ABR: variants seen among roughly 807,000 people sequenced by gnomAD.
ABR encodes ABR activator of RhoGEF and GTPase.
A neutral mutation model predicts 107.2 loss-of-function variants in ABR; 35 were observed. The observed-to-expected ratio is 0.33, with a 90% confidence interval of 0.25 to 0.43. ABR has a LOEUF of 0.43. Ranked by LOEUF, ABR falls within the 20% of genes least tolerant of loss-of-function variation. The pLI is 1.00. For missense variants in ABR, 815 were observed against 1,115.2 expected (o/e 0.73, Z 3.83); for synonymous variants, 498 against 462.0 (o/e 1.08, Z -1.00).
intron 1 of ABR, among the ~76,000 whole-genome samples, chr17:1,192,504 C>T (rs565198191): frequency 2.8e-4 from 42 of 152,038 alleles, no homozygotes; most frequent in Non-Finnish European, 5.7e-4. Context: ...GAGCTGGGCA[C>T]GGGGGCTCAC....
upstream of ABR, among the ~76,000 whole-genome samples, chr17:1,180,270 G>A (rs891385789): frequency 2.6e-5 from 4 of 152,042 alleles, no homozygotes; most frequent in African/African-American, 9.7e-5. Flanking sequence ...ACCAGGTGCC[G>A]TGGGGGGCCC....
chr17:1,134,915 A>G (rs1356026761), intron 1 of ABR, among the ~76,000 whole-genome samples: 1 of 152,198 alleles, frequency 6.6e-6, no homozygotes, highest in African/African-American at 2.4e-5. Context: ...GAAACGGGGG[A>G]CGACACAGGA....
chr17:1,073,239 GC>G (rs1249630718), intron 7 of ABR, among the ~76,000 whole-genome samples: 1 of 149,772 alleles, frequency 6.7e-6, no homozygotes, highest in East Asian at 2.0e-4. Context: ...GGCCCTGGCT[GC>G]CCCCTCTTCT....
chr17:1,025,153 G>A (rs766249210), intron 16 of ABR, among the ~76,000 whole-genome samples: 116 of 144,310 alleles, frequency 8.0e-4, no homozygotes, highest in Non-Finnish European at 1.5e-3. Context: ...AAACTTGGCC[G>A]GGCGTGGTGG....
chr17:1,059,164 G>A (rs2033659849), intron 10 of ABR, among the ~76,000 whole-genome samples: 1 of 152,072 alleles, frequency 6.6e-6, no homozygotes. Context: ...CACTCGCCAA[G>A]CCAGCATCTC....
At position 1,050,443 on chromosome 17, in the gene ABR, G is replaced by T; in HGVS notation, c.1659+94C>A. On this transcript the variant is annotated intron_variant, in intron 15 of 22. Coordinates refer to ENST00000302538, the MANE Select transcript of ABR (RefSeq NM_021962.5). The surrounding 1 kb of genome is among the most constrained non-coding windows in gnomAD (Gnocchi z 4.6). Reference sequence around the variant, plus strand: ...GAGCAGAAAGGGGGGTGCAGACATAGCTGGTCCAACCAATGGGCTGGCCGT... The same window carrying T: ...GAGCAGAAAGGGGGGTGCAGACATATCTGGTCCAACCAATGGGCTGGCCGT... 8.1e-7 allele frequency: 1 copy of T among 1,228,836 alleles called. No individual in the cohort carries two copies. The highest frequency in any genetic ancestry group is 1.2e-6 in the Non-Finnish European group (1 of 833,792). The allele number at this position is 1,228,836 out of a possible 1,614,324, so 76.1% of individuals were successfully genotyped here.
intron 16 of ABR, among the ~76,000 whole-genome samples, chr17:1,048,261 C>T (rs968375531): frequency 4.6e-5 from 7 of 152,218 alleles, no homozygotes; most frequent in East Asian, 1.9e-4. Flanking sequence ...CCCACAGCAT[C>T]GGAAAGAGAC....
intron 5 of ABR, among the ~76,000 whole-genome samples, chr17:1,080,436 C>A (rs908943153): frequency 1.3e-5 from 2 of 152,158 alleles, no homozygotes; most frequent in Admixed American, 1.3e-4. Flanking sequence ...GACAGTGCAG[C>A]CTGCAACTGG....
chr17:1,215,963 A>G (rs559268892), intron 1 of ABR, among the ~76,000 whole-genome samples: 31 of 136,650 alleles, frequency 2.3e-4, no homozygotes, highest in Non-Finnish European at 4.5e-4. Flanking sequence ...TGTTAAACAG[A>G]TGCTTGAAGG....
intron 16 of ABR, among the ~76,000 whole-genome samples, chr17:1,036,440 A>C (rs564356294): frequency 1.4e-5 from 2 of 147,372 alleles, no homozygotes; most frequent in African/African-American, 2.7e-5. Flanking sequence ...TCAGAGGACC[A>C]GAGCTGGGGG....
chr17:1,031,537 C>T, intron 16 of ABR: 1 of 431,296 alleles, frequency 2.3e-6, no homozygotes, highest in Middle Eastern at 7.6e-4. Flanking sequence ...CCCCGCAGCC[C>T]CCCGAGCCCC....
At chr17:1,034,390 C>T (rs914299673) in intron 16 of ABR, among the ~76,000 whole-genome samples, 1 of 152,170 alleles carries the variant, frequency 6.6e-6, no homozygotes, top group South Asian at 2.1e-4. Context: ...AGATGTCCAT[C>T]AACAGGAGGC....
At chr17:1,057,204 G>A (rs548512030) in intron 12 of ABR, 102 bp from the exon 13 acceptor site, 3 of 756,874 alleles carry the variant, frequency 4.0e-6, no homozygotes, top group East Asian at 5.2e-5. Flanking sequence ...AATCCCTGGG[G>A]CAGACTTGGT....
At chr17:1,185,654 T>TG (rs2042265927) in intron 1 of ABR, among the ~76,000 whole-genome samples, 1 of 39,358 alleles carries the variant, frequency 2.5e-5, no homozygotes, top group African/African-American at 9.7e-5. Context: ...CAGAAAGAAA[T>TG]AAAAAAAAAA....
upstream of ABR, among the ~76,000 whole-genome samples, chr17:1,187,665 G>A (rs965046456): frequency 2.0e-4 from 30 of 152,042 alleles, no homozygotes; most frequent in African/African-American, 5.3e-4. Flanking sequence ...CAGTGTGGGC[G>A]GATCAGCTGA....
In ABR at chr17:1,019,028, G is replaced by A. The variant is rs905082448; in HGVS notation, c.1792-5864C>T. On this transcript the variant is annotated intron_variant, in intron 16 of 22. Transcript: ENST00000302538. ...GTGAAGTCCATGACCCGCAGCTGCT[G>A]TAACTGCTGCTTCCTCAGAAAGGCA... Among the ~76,000 whole-genome samples, 13 of 152,184 alleles carry A rather than the reference G, an allele frequency of 8.5e-5. 1 individual carries two copies. The highest frequency in any genetic ancestry group is 4.6e-4 in the Admixed American group (7 of 15,290).
chr17:1,040,975 G>A (rs1376517996), intron 16 of ABR, among the ~76,000 whole-genome samples: 10 of 152,140 alleles, frequency 6.6e-5, no homozygotes, highest in Admixed American at 6.5e-4. Flanking sequence ...GTGTAATGGC[G>A]CAATCTCGGC....
chr17:1,096,720 G>A (rs2020228), intron 3 of ABR, among the ~76,000 whole-genome samples: 1 of 151,384 alleles, frequency 6.6e-6, no homozygotes, highest in Non-Finnish European at 1.5e-5. Flanking sequence ...CTGGGGAAGG[G>A]GGGGAACCTG....
chr17:1,047,233 G>C (rs1188521978), intron 16 of ABR, among the ~76,000 whole-genome samples: 1 of 152,266 alleles, frequency 6.6e-6, no homozygotes, highest in Non-Finnish European at 1.5e-5. Context: ...TGTCCTCAGC[G>C]CCTGCTGGCG....
Sources: allele counts gnomAD v4.1 joint callset (sites outside exome capture counted in the v4.1 genomes callset), GRCh38; gene constraint gnomAD v4.1.1; non-coding constraint Gnocchi (gnomAD v3.1); transcripts MANE v1.5; gene names NCBI Gene and HGNC (gene_info 2026-07-23, HGNC 2026-07-21).